The following ITGA6 variants were observed in gnomAD, a reference collection of about 807,000 sequenced individuals.
ITGA6 encodes the protein integrin alpha-6.
In ITGA6, 63 loss-of-function variants were observed where a neutral mutation model predicts 133.6. The observed-to-expected ratio is 0.47, with a 90% CI of 0.38 to 0.58. The LOEUF (loss-of-function observed/expected upper bound fraction) is 0.58, where lower values mean the gene tolerates loss of function less well. Among genes scored for constraint, ITGA6 ranks in the 20% least tolerant of loss-of-function variants. ITGA6 has a pLI of 0.00. For missense variants in ITGA6, 1,068 were observed against 1,309.4 expected (o/e 0.82, Z 2.85); for synonymous variants, 434 against 482.0 (o/e 0.90, Z 1.30).
chr2:172,485,306 AT>A, intron 13 of ITGA6, 42 bp downstream of exon 13: 1 of 1,561,782 alleles, frequency 6.4e-7, no homozygotes, highest in Non-Finnish European at 8.8e-7. Context: ...TTTTTTTGCC[AT>A]TTATGATGCT....
Position 172,505,425 on chromosome 2 carries a change from A to AT in ITGA6, c.*1363dup, listed in dbSNP as rs1014910273. 5 of 152,228 alleles carry AT rather than the reference A, an allele frequency of 3.3e-5. No individual in the cohort carries two copies. Among genetic ancestry groups the AT allele is most frequent in the East Asian group, 1.9e-4 (1 of 5,182 alleles). The allele number at this position is 152,228 out of a possible 1,614,324, so 9.4% of individuals were successfully genotyped here. A position where few individuals can be genotyped will look rare whatever the true frequency, so the allele number is the denominator to read the frequency against. On this transcript the variant is annotated 3_prime_UTR_variant, in exon 26 of 26. Transcript: ENST00000684293. ...CAGTTAATCAGTGAGTCGATGTTCT[A>AT]TTTTTTGTTTTGTTTCCTCCCCTAT...
rs539875493 is a variant in ITGA6 at position 172,475,762 on chromosome 2, C to A, written c.1269+77C>A. 18 of 820,398 alleles carry A rather than the reference C, an allele frequency of 2.2e-5. No homozygotes were observed. In the African/African-American group the frequency reaches 2.5e-4, roughly 12 times the overall value. The allele number at this position is 820,398 out of a possible 1,614,324, so 50.8% of individuals were successfully genotyped here. ...TAATAAAATATTTAGGTTTAAGTGA[C>A]TTTTCACACAAATCTTATTTTATTT... is the stretch of plus-strand genomic sequence containing the variant. On this transcript the variant is annotated intron_variant, in intron 8 of 25. Coordinates refer to ENST00000684293, the MANE Select transcript of ITGA6 (RefSeq NM_000210.4).
chr2:172,441,067 CT>C (rs11316268), intron 1 of ITGA6, among the ~76,000 whole-genome samples: 29,711 of 151,976 alleles, frequency 0.2, 4,160 homozygotes, highest in East Asian at 0.78. Context: ...ACCCTGCTTC[CT>C]TTAGACCCAT....
Position 172,487,640 on chromosome 2 carries a change from G to T in ITGA6, c.2244+10G>T. On this transcript the variant is annotated intron_variant, in intron 16 of 25. Transcript: ENST00000684293. ...TAAAAGAAATTCAAATGTAGGTGATGCCTTCATATACTGTATTTTACTGTT... is the reference window on the plus strand; with the variant it reads ...TAAAAGAAATTCAAATGTAGGTGATTCCTTCATATACTGTATTTTACTGTT... 6.2e-7 allele frequency: 1 copy of T among 1,611,592 alleles called. No individual in the cohort carries two copies. The highest frequency in any genetic ancestry group is 8.5e-7 in the Non-Finnish European group (1 of 1,177,694).
chr2:172,504,318 T>C lies in ITGA6; in HGVS notation c.*250T>C. On this transcript the variant is annotated 3_prime_UTR_variant, in exon 26 of 26. Coordinates refer to ENST00000684293, the MANE Select transcript of ITGA6 (RefSeq NM_000210.4). ...CTTTTTCCAACTCAGAAATTCAATTTGGATTTAAAAGCCTGCTCAATCCCT... is the reference window on the plus strand; with the variant it reads ...CTTTTTCCAACTCAGAAATTCAATTCGGATTTAAAAGCCTGCTCAATCCCT... 7.8e-7 allele frequency: 1 copy of C among 1,279,408 alleles called. No individual in the cohort carries two copies. The highest frequency in any genetic ancestry group is 1.1e-6 in the Non-Finnish European group (1 of 931,818). The allele number at this position is 1,279,408 out of a possible 1,614,324, so 79.3% of individuals were successfully genotyped here.
intron 1 of ITGA6, among the ~76,000 whole-genome samples, chr2:172,461,882 T>A (rs1180675116): frequency 1.3e-5 from 2 of 152,200 alleles, no homozygotes; most frequent in Non-Finnish European, 2.9e-5. Flanking sequence ...AGACCCTAAA[T>A]GACCTAGATT....
At chr2:172,427,581 A>G (rs1683895173), upstream of ITGA6, 1 of 1,251,642 alleles carries the variant, frequency 8.0e-7, no homozygotes, top group Non-Finnish European at 1.0e-6. Context: ...GAGTCTCCAG[A>G]GAACAACGGG....
At chr2:172,434,409 CAA>C (rs1458800381) in intron 1 of ITGA6, among the ~76,000 whole-genome samples, 1 of 152,136 alleles carries the variant, frequency 6.6e-6, no homozygotes, top group Non-Finnish European at 1.5e-5. Context: ...CTTAGATAAA[CAA>C]GGCAAGACGA....
chr2:172,491,638 G>A lies in ITGA6; in HGVS notation c.2988+115G>A, dbSNP rs1415619980. 1.4e-5 allele frequency: 10 copies of A among 736,300 alleles called. No individual in the cohort carries two copies. Among genetic ancestry groups the A allele is most frequent in the East Asian group, 2.7e-5 (1 of 37,546 alleles). The allele number at this position is 736,300 out of a possible 1,614,324, so 45.6% of individuals were successfully genotyped here. A position where few individuals can be genotyped will look rare whatever the true frequency, so the allele number is the denominator to read the frequency against. On this transcript the variant is annotated intron_variant, in intron 23 of 25. Transcript: ENST00000684293. The surrounding 1 kb of genome is among the most constrained non-coding windows in gnomAD (Gnocchi z 4.4). ...CTCATTTCCCTCATAGCCCCATTAC[G>A]GAGAAAACTGTCTTAAGGTACTGGC...
chr2:172,468,042 T>A (rs1361561882), intron 3 of ITGA6, among the ~76,000 whole-genome samples: 1 of 152,206 alleles, frequency 6.6e-6, no homozygotes. Flanking sequence ...ACAACCTACT[T>A]TTCTTTAGAA....
chr2:172,439,601 A>C (rs1684460067), intron 1 of ITGA6, among the ~76,000 whole-genome samples: 1 of 151,826 alleles, frequency 6.6e-6, no homozygotes, highest in Admixed American at 6.6e-5. Context: ...TATATAAAAC[A>C]CAAGTCTTCG....
chr2:172,434,192 G>A (rs1482925466), intron 1 of ITGA6, among the ~76,000 whole-genome samples: 1 of 152,200 alleles, frequency 6.6e-6, no homozygotes, highest in Non-Finnish European at 1.5e-5. Context: ...AAGTATGTGG[G>A]CAAATATGGA....
chr2:172,435,689 C>A (rs1393073148), intron 1 of ITGA6, among the ~76,000 whole-genome samples: 2 of 133,926 alleles, frequency 1.5e-5, no homozygotes. Context: ...TGTAGCGATG[C>A]GATTTCAGCT....
At chr2:172,441,208 A>G (rs932734663) in intron 1 of ITGA6, among the ~76,000 whole-genome samples, 5 of 152,234 alleles carry the variant, frequency 3.3e-5, no homozygotes, top group Non-Finnish European at 7.4e-5. Flanking sequence ...GAGATTTCTA[A>G]TAAGTTATTT....
chr2:172,497,182 C>T (rs1220663264), intron 23 of ITGA6, among the ~76,000 whole-genome samples: 1 of 152,052 alleles, frequency 6.6e-6, no homozygotes, highest in Non-Finnish European at 1.5e-5. Flanking sequence ...CTAAACTGGC[C>T]CTTTTCTTTC....
In ITGA6 at chr2:172,485,282, T is replaced by A; in HGVS notation, c.1854+18T>A. On this transcript the variant is annotated intron_variant, in intron 13 of 25. Transcript: ENST00000684293. ...ATATTGATGTAAGTCTCTCTGACTTTCATTTTGCCAAAGTTTTTTTGCCAT... is the reference window on the plus strand; with the variant it reads ...ATATTGATGTAAGTCTCTCTGACTTACATTTTGCCAAAGTTTTTTTGCCAT... 1 of 1,612,982 alleles carries A rather than the reference T, an allele frequency of 6.2e-7. No individual in the cohort carries two copies. Among genetic ancestry groups the A allele is most frequent in the Non-Finnish European group, 8.5e-7 (1 of 1,179,244 alleles).
chr2:172,472,941 A>T lies in ITGA6; in HGVS notation c.776-1114A>T, dbSNP rs533159005. 2.0e-4 allele frequency: 196 copies of T among 974,308 alleles called. 1 individual carries two copies. Among genetic ancestry groups the T allele is most frequent in the South Asian group, 1.2e-3 (77 of 63,316 alleles). The allele number at this position is 974,308 out of a possible 1,614,324, so 60.4% of individuals were successfully genotyped here. ...AAATTGTCTTGGTTGTGGTCATTAA[A>T]TTTTTTTTTTTGATCCATACAGAGC... is the stretch of plus-strand genomic sequence containing the variant. On this transcript the variant is annotated intron_variant, in intron 5 of 25. Transcript: ENST00000684293.
intron 6 of ITGA6, 67 bp downstream of exon 6, chr2:172,474,332 G>C: frequency 7.4e-7 from 1 of 1,358,428 alleles, no homozygotes; most frequent in South Asian, 1.2e-5. Flanking sequence ...TATACGACTG[G>C]AGAAGAGCCG....
chr2:172,438,627 A>G (rs1559114392), intron 1 of ITGA6, among the ~76,000 whole-genome samples: 2 of 151,866 alleles, frequency 1.3e-5, no homozygotes, highest in Non-Finnish European at 2.9e-5. Context: ...GGTTGTGAAC[A>G]TTAAAGGTGA....
Sources: allele counts gnomAD v4.1 joint callset (sites outside exome capture counted in the v4.1 genomes callset), GRCh38; gene constraint gnomAD v4.1.1; non-coding constraint Gnocchi (gnomAD v3.1); transcripts MANE v1.5; gene names NCBI Gene and HGNC (gene_info 2026-07-23, HGNC 2026-07-21).